CDC42BPA: variants seen among roughly 807,000 people sequenced by gnomAD.
CDC42BPA encodes the protein CDC42 binding protein kinase alpha.
Under a neutral mutation model 223.5 loss-of-function variants are expected in CDC42BPA, and 80 were observed. The observed-to-expected ratio is 0.36, with a 90% CI of 0.30 to 0.43. The LOEUF is 0.43. Ranked by LOEUF, CDC42BPA falls within the 20% of genes least tolerant of loss-of-function variation. The pLI is 1.00. For synonymous variants in CDC42BPA, 694 were observed against 718.6 expected, an observed-to-expected ratio of 0.97 and a Z score of 0.55; for missense variants, 1,743 against 2,099.9, an observed-to-expected ratio of 0.83 and a Z score of 3.32.
intron 2 of CDC42BPA, among the ~76,000 whole-genome samples, chr1:227,233,903 T>C (rs773868853): frequency 5.3e-5 from 8 of 152,168 alleles, no homozygotes; most frequent in Admixed American, 1.3e-4. Flanking sequence ...GCTGCACTCC[T>C]GCCTGGGTGA....
chr1:227,052,195 TAACCAAA>T (rs1350618894), intron 21 of CDC42BPA, among the ~76,000 whole-genome samples: 1 of 152,178 alleles, frequency 6.6e-6, no homozygotes, highest in East Asian at 1.9e-4. Context: ...ACAGAATAGT[TAACCAAA>T]GGCTCCTCCC....
At chr1:227,112,446 A>G in intron 13 of CDC42BPA, 24 bp from the exon 14 acceptor site, 1 of 1,498,134 alleles carries the variant, frequency 6.7e-7, no homozygotes, top group Non-Finnish European at 9.1e-7. Context: ...TGAAAAATGC[A>G]GATTTCACGG....
chr1:227,088,029 C>T (rs1473213339), intron 16 of CDC42BPA, among the ~76,000 whole-genome samples: 1 of 152,134 alleles, frequency 6.6e-6, no homozygotes, highest in Non-Finnish European at 1.5e-5. Flanking sequence ...CAGTGACAAG[C>T]AGTTTTCAAT....
chr1:227,145,434 T>A, intron 8 of CDC42BPA, 55 bp downstream of exon 8: 1 of 1,497,874 alleles, frequency 6.7e-7, no homozygotes. Context: ...AATTACTATA[T>A]AACCATAGTA....
At chr1:227,270,637 T>C (rs1685806703) in intron 1 of CDC42BPA, among the ~76,000 whole-genome samples, 2 of 152,194 alleles carry the variant, frequency 1.3e-5, no homozygotes, top group Non-Finnish European at 1.5e-5. Flanking sequence ...TCAGTAGCTT[T>C]AGTTACATTC....
chr1:227,024,979 A>G (rs1199275102), intron 31 of CDC42BPA, among the ~76,000 whole-genome samples: 4 of 152,220 alleles, frequency 2.6e-5, no homozygotes, highest in Non-Finnish European at 4.4e-5. Context: ...GCAGTGGATC[A>G]TGCCTGTAAT....
intron 3 of CDC42BPA, among the ~76,000 whole-genome samples, chr1:227,210,935 C>CA (rs1320032659): frequency 6.6e-6 from 1 of 152,142 alleles, no homozygotes; most frequent in Non-Finnish European, 1.5e-5. Context: ...CAATGTAGGA[C>CA]ACTTCTCAAG....
At chr1:227,003,810 G>A (rs900374315) in intron 35 of CDC42BPA, among the ~76,000 whole-genome samples, 4 of 151,950 alleles carry the variant, frequency 2.6e-5, no homozygotes, top group Non-Finnish European at 4.4e-5. Context: ...CTGCAGTTCC[G>A]AGTACAGTTA....
At chr1:227,299,347 A>C (rs1400824256) in intron 1 of CDC42BPA, among the ~76,000 whole-genome samples, 1 of 152,184 alleles carries the variant, frequency 6.6e-6, no homozygotes, top group Non-Finnish European at 1.5e-5. Context: ...CACTGTTGCA[A>C]AGGAAATACT....
intron 35 of CDC42BPA, among the ~76,000 whole-genome samples, chr1:226,995,298 T>C (rs573120216): frequency 1.3e-5 from 2 of 152,318 alleles, no homozygotes; most frequent in African/African-American, 4.8e-5. Context: ...GGTGCTGCCT[T>C]GCACATCTTT....
chr1:227,098,484 T>C (rs975453055), intron 15 of CDC42BPA, among the ~76,000 whole-genome samples: 2 of 152,058 alleles, frequency 1.3e-5, no homozygotes, highest in African/African-American at 4.8e-5. Context: ...TGAAAGAGTC[T>C]TGTCAGGGGA....
chr1:227,291,150 A>AT (rs893661173), intron 1 of CDC42BPA, among the ~76,000 whole-genome samples: 1 of 152,190 alleles, frequency 6.6e-6, no homozygotes, highest in Non-Finnish European at 1.5e-5. Context: ...AGGTGCTTCC[A>AT]TGAAATAAGA....
At chr1:227,178,779 G>A (rs1417859791) in intron 5 of CDC42BPA, among the ~76,000 whole-genome samples, 2 of 152,214 alleles carry the variant, frequency 1.3e-5, no homozygotes, top group Admixed American at 1.3e-4. Flanking sequence ...ACAGACATGA[G>A]CCACCAGGCC....
At chr1:227,130,861 A>C (rs949780570) in intron 10 of CDC42BPA, among the ~76,000 whole-genome samples, 1 of 152,126 alleles carries the variant, frequency 6.6e-6, no homozygotes, top group Non-Finnish European at 1.5e-5. Context: ...CTCAAAAAAA[A>C]ACAAACAAAC....
chr1:227,196,338 C>CTTTTTTCTTTTTTTTTTTTTTTT (rs1670686752), intron 4 of CDC42BPA, among the ~76,000 whole-genome samples: 2 of 92,352 alleles, frequency 2.2e-5, no homozygotes, highest in African/African-American at 9.4e-5. Context: ...TTAAACAATA[C>CTTTTTTCTTTTTTTTTTTTTTTT]TTTTTTTTTT....
rs556872548 is a variant in CDC42BPA, at chr1:227,282,506, C to T, written c.179-28351G>A. Among the ~76,000 whole-genome samples, 17 of 152,330 alleles carry T rather than the reference C, an allele frequency of 1.1e-4. No individual in the cohort carries two copies. The South Asian group carries it at 3.5e-3, about 32-fold the overall frequency. ...CAAAAAGACAGCAGAATTCCTCTAG[C>T]ACACACTGCAGCAGCAACAGGCTCT... On this transcript the variant is annotated intron_variant, in intron 1 of 36. Transcript: ENST00000366766.
intron 1 of CDC42BPA, among the ~76,000 whole-genome samples, chr1:227,297,194 A>G (rs772450508): frequency 8.5e-5 from 13 of 152,222 alleles, no homozygotes; most frequent in Non-Finnish European, 1.8e-4. Context: ...GCTGCTCGTT[A>G]TCAGTAATTA....
chr1:227,204,275 T>C (rs989590781), intron 3 of CDC42BPA, among the ~76,000 whole-genome samples: 3 of 152,194 alleles, frequency 2.0e-5, no homozygotes, highest in African/African-American at 7.2e-5. Context: ...AAACATGAGA[T>C]GTATCATTTT....
chr1:227,079,861 T>C (rs979789562), intron 17 of CDC42BPA, among the ~76,000 whole-genome samples: 1 of 113,230 alleles, frequency 8.8e-6, no homozygotes, highest in Admixed American at 9.8e-5. Flanking sequence ...GGATTTCAGG[T>C]TTTTTTTTTA....
Sources: allele counts gnomAD v4.1 joint callset (sites outside exome capture counted in the v4.1 genomes callset), GRCh38; gene constraint gnomAD v4.1.1; transcripts MANE v1.5; gene names NCBI Gene and HGNC (gene_info 2026-07-23, HGNC 2026-07-21).